The following VEPH1 variants were observed in gnomAD, a reference collection of about 807,000 sequenced individuals.
VEPH1 encodes ventricular zone-expressed PH domain-containing protein homolog 1.
Under a neutral mutation model 85.2 loss-of-function variants are expected in VEPH1, and 80 were observed. The ratio of observed to expected loss-of-function variants is 0.94; its 90% confidence interval spans 0.78 to 1.13. The LOEUF (loss-of-function observed/expected upper bound fraction) is 1.13, where lower values mean the gene tolerates loss of function less well. Ranked by LOEUF, VEPH1 falls within the 50% of genes most tolerant of loss-of-function variation. The pLI, the probability that VEPH1 is intolerant of heterozygous loss-of-function variation, is 0.00. For missense variants in VEPH1, 955 were observed against 980.5 expected, an observed-to-expected ratio of 0.97 and a Z score of 0.35; for synonymous variants, 297 against 348.0, an observed-to-expected ratio of 0.85 and a Z score of 1.63.
intron 2 of VEPH1, among the ~76,000 whole-genome samples, chr3:157,479,832 A>G (rs1324106609): frequency 6.6e-6 from 1 of 152,226 alleles, no homozygotes; most frequent in Non-Finnish European, 1.5e-5. Context: ...ATGAGTTAAT[A>G]CATGGAAAGG....
intron 11 of VEPH1, among the ~76,000 whole-genome samples, chr3:157,293,877 A>C (rs1043938944): frequency 6.6e-6 from 1 of 152,250 alleles, no homozygotes; most frequent in African/African-American, 2.4e-5. Flanking sequence ...GCAAGGCCAA[A>C]ACACTACCAA....
intron 12 of VEPH1, among the ~76,000 whole-genome samples, chr3:157,283,830 A>G (rs1226067684): frequency 2.0e-5 from 3 of 152,190 alleles, no homozygotes; most frequent in Admixed American, 6.5e-5. Context: ...TCATTTGTCA[A>G]TTCTTTTAAA....
intron 13 of VEPH1, among the ~76,000 whole-genome samples, chr3:157,261,689 T>C (rs529212607): frequency 1.3e-5 from 2 of 152,252 alleles, no homozygotes; most frequent in African/African-American, 4.8e-5. Context: ...ACGGTACAAT[T>C]TGGAGTGCTA....
chr3:157,411,161 T>G (rs890627084), intron 6 of VEPH1, among the ~76,000 whole-genome samples: 1 of 152,156 alleles, frequency 6.6e-6, no homozygotes, highest in African/African-American at 2.4e-5. Context: ...ACAGAAGCTA[T>G]TGCTTTCTGG....
chr3:157,396,418 T>C (rs1255700310), intron 6 of VEPH1, among the ~76,000 whole-genome samples: 1 of 152,248 alleles, frequency 6.6e-6, no homozygotes. Flanking sequence ...CATGTATCTT[T>C]ACAACAGAAT....
In VEPH1 at chr3:157,321,282, G is replaced by T. The variant is rs535481400; in HGVS notation, c.1736-4081C>A. ...ATTGTAGAAACTGTATTTCTACAAT[G>T]ATTTATAAAAGCTCAAACACATGAA... On this transcript the variant is annotated intron_variant, in intron 9 of 13. Coordinates refer to ENST00000362010, the MANE Select transcript of VEPH1 (RefSeq NM_001167912.2). Among the ~76,000 whole-genome samples the T allele has an allele frequency of 2.0e-4, 31 of 152,174 alleles. 1 individual carries two copies. The highest frequency in any genetic ancestry group is 6.8e-3 in the Middle Eastern group (2 of 294).
intron 6 of VEPH1, 118 bp downstream of exon 6, chr3:157,413,763 T>C: frequency 7.2e-7 from 1 of 1,397,514 alleles, no homozygotes; most frequent in Non-Finnish European, 9.6e-7. Context: ...CAAAGAGAAA[T>C]TGGAACTCCC....
chr3:157,485,953 A>AG (rs987238487), intron 2 of VEPH1, among the ~76,000 whole-genome samples: 6 of 152,188 alleles, frequency 3.9e-5, no homozygotes, highest in Non-Finnish European at 7.4e-5. Context: ...ATAATAAAAA[A>AG]GCCCCTAACA....
At chr3:157,436,622 G>A (rs917544734) in intron 4 of VEPH1, among the ~76,000 whole-genome samples, 6 of 152,038 alleles carry the variant, frequency 3.9e-5, no homozygotes, top group African/African-American at 1.4e-4. Flanking sequence ...TAGAAGCCCA[G>A]TTTCTCTCCT....
intron 4 of VEPH1, among the ~76,000 whole-genome samples, chr3:157,456,163 A>G (rs1195044451): frequency 6.6e-6 from 1 of 152,056 alleles, no homozygotes; most frequent in Non-Finnish European, 1.5e-5. Context: ...GGCTGCATGT[A>G]TGTCTTCTTT....
intron 11 of VEPH1, among the ~76,000 whole-genome samples, chr3:157,305,033 G>GT (rs1326396137): frequency 7.5e-3 from 423 of 56,106 alleles, no homozygotes; most frequent in African/African-American, 0.03. Flanking sequence ...ACTGTGTATT[G>GT]TTATATCTAT....
chr3:157,449,621 A>G (rs929151308), intron 4 of VEPH1, among the ~76,000 whole-genome samples: 3 of 152,066 alleles, frequency 2.0e-5, no homozygotes, highest in Non-Finnish European at 4.4e-5. Flanking sequence ...CCTCTCCCCC[A>G]ACAACTCCCA....
intron 6 of VEPH1, among the ~76,000 whole-genome samples, chr3:157,403,634 G>T (rs1730930101): frequency 6.6e-6 from 1 of 152,108 alleles, no homozygotes; most frequent in Non-Finnish European, 1.5e-5. Flanking sequence ...CAGCAGGTGT[G>T]TGATAAATAT....
intron 5 of VEPH1, among the ~76,000 whole-genome samples, chr3:157,422,269 A>G (rs1467136159): frequency 6.6e-6 from 1 of 152,190 alleles, no homozygotes; most frequent in East Asian, 1.9e-4. Flanking sequence ...GAAAGTTGAA[A>G]GGCTGATAAA....
At chr3:157,348,597 T>C (rs953811400) in intron 9 of VEPH1, among the ~76,000 whole-genome samples, 3 of 152,234 alleles carry the variant, frequency 2.0e-5, no homozygotes, top group African/African-American at 7.2e-5. Context: ...TTAAATCAGA[T>C]TGTTAGATCA....
At chr3:157,311,696 T>G (rs1344907657) in intron 11 of VEPH1, among the ~76,000 whole-genome samples, 2 of 152,224 alleles carry the variant, frequency 1.3e-5, no homozygotes, top group Non-Finnish European at 2.9e-5. Flanking sequence ...AAAACTAGTT[T>G]GCCAAGTATT....
chr3:157,334,964 C>T (rs1462603833), intron 9 of VEPH1, among the ~76,000 whole-genome samples: 2 of 152,136 alleles, frequency 1.3e-5, no homozygotes, highest in African/African-American at 2.4e-5. Context: ...ACAGGTTATT[C>T]GCCTTTCTAT....
chr3:157,362,393 A>C (rs1230924682), intron 9 of VEPH1, among the ~76,000 whole-genome samples: 1 of 152,044 alleles, frequency 6.6e-6, no homozygotes, highest in African/African-American at 2.4e-5. Context: ...GGCCCCTGAC[A>C]TCCTGTTTAA....
chr3:157,333,801 T>A (rs1410457067), intron 9 of VEPH1, among the ~76,000 whole-genome samples: 1 of 152,130 alleles, frequency 6.6e-6, no homozygotes, highest in Non-Finnish European at 1.5e-5. Flanking sequence ...GCACAGAAAA[T>A]TTTAGGAAAT....
Sources: allele counts gnomAD v4.1 joint callset (sites outside exome capture counted in the v4.1 genomes callset), GRCh38; gene constraint gnomAD v4.1.1; transcripts MANE v1.5; gene names NCBI Gene and HGNC (gene_info 2026-07-23, HGNC 2026-07-21).